The following IQCM variants were observed in gnomAD, a reference collection of about 807,000 sequenced individuals.
IQCM encodes the protein IQ motif containing M.
IQCM carries 45 observed loss-of-function variants against 57.6 expected under a neutral mutation model. The ratio of observed to expected loss-of-function variants is 0.78; its 90% CI spans 0.62 to 1.00. The LOEUF (loss-of-function observed/expected upper bound fraction) is 1.00. Among genes scored for constraint, IQCM ranks in the 50% least tolerant of loss-of-function variants. The pLI is 0.00. For missense variants in IQCM, 468 were observed against 511.6 expected (o/e 0.91, Z 0.82); for synonymous variants, 148 against 158.9 (o/e 0.93, Z 0.51).
intron 13 of IQCM, among the ~76,000 whole-genome samples, chr4:149,365,095 C>A (rs988747702): frequency 6.6e-6 from 1 of 152,118 alleles, no homozygotes; most frequent in African/African-American, 2.4e-5. Flanking sequence ...TGAGCACATC[C>A]AGTTTCTAAA....
At chr4:149,379,469 G>C (rs1168898940) in intron 13 of IQCM, among the ~76,000 whole-genome samples, 1 of 152,188 alleles carries the variant, frequency 6.6e-6, no homozygotes, top group Non-Finnish European at 1.5e-5. Flanking sequence ...GCATGACCCA[G>C]ATGTGAGACA....
chr4:149,546,983 G>C (rs564018812), intron 12 of IQCM, among the ~76,000 whole-genome samples: 98 of 152,232 alleles, frequency 6.4e-4, no homozygotes, highest in African/African-American at 2.2e-3. Flanking sequence ...AATCCATCTT[G>C]AATTAATTTT....
intron 13 of IQCM, among the ~76,000 whole-genome samples, chr4:149,419,690 C>G (rs1733991180): frequency 6.6e-6 from 1 of 152,068 alleles, no homozygotes. Context: ...AAACTATCAT[C>G]AGGGTGAACA....
intron 12 of IQCM, among the ~76,000 whole-genome samples, chr4:149,475,440 T>C (rs1382322013): frequency 6.6e-6 from 1 of 152,182 alleles, no homozygotes; most frequent in Non-Finnish European, 1.5e-5. Flanking sequence ...CATGGAGATA[T>C]TGAATAGGCA....
intron 13 of IQCM, among the ~76,000 whole-genome samples, chr4:149,407,464 C>T (rs1336214023): frequency 6.6e-6 from 1 of 152,096 alleles, no homozygotes; most frequent in African/African-American, 2.4e-5. Context: ...TATTTCATCC[C>T]TCCCCCTGGT....
At chr4:149,390,478 G>A (rs558794561) in intron 13 of IQCM, among the ~76,000 whole-genome samples, 11 of 151,572 alleles carry the variant, frequency 7.3e-5, no homozygotes, top group Non-Finnish European at 1.5e-4. Context: ...TGGTAGCAGT[G>A]AGAATATCTA....
At chr4:149,658,853 T>C (rs1759882004) in intron 7 of IQCM, among the ~76,000 whole-genome samples, 1 of 152,124 alleles carries the variant, frequency 6.6e-6, no homozygotes, top group African/African-American at 2.4e-5. Context: ...TGAATTCATT[T>C]ATTAGTTCTA....
intron 5 of IQCM, among the ~76,000 whole-genome samples, chr4:149,721,238 A>T (rs926890784): frequency 6.6e-6 from 1 of 152,168 alleles, no homozygotes; most frequent in African/African-American, 2.4e-5. Context: ...AGAATACAAG[A>T]GTATGTGCTT....
chr4:149,627,327 C>T (rs1048086694), intron 7 of IQCM, among the ~76,000 whole-genome samples: 1 of 152,100 alleles, frequency 6.6e-6, no homozygotes, highest in African/African-American at 2.4e-5. Flanking sequence ...ACCTGATCAT[C>T]AACTATAGAA....
At chr4:149,592,948 T>C (rs1259436781) in intron 8 of IQCM, among the ~76,000 whole-genome samples, 2 of 152,204 alleles carry the variant, frequency 1.3e-5, no homozygotes, top group Non-Finnish European at 2.9e-5. Context: ...GGGCTCTTTT[T>C]TGGTTGCATA....
intron 12 of IQCM, among the ~76,000 whole-genome samples, chr4:149,528,884 AT>A (rs1318321463): frequency 6.6e-6 from 1 of 151,822 alleles, no homozygotes; most frequent in Admixed American, 6.6e-5. Flanking sequence ...AAAAGGAAGA[AT>A]TTTTTTTGCA....
intron 13 of IQCM, among the ~76,000 whole-genome samples, chr4:149,381,720 AGTATGTAT>A (rs60955059): frequency 0.017 from 2,465 of 146,540 alleles, 44 homozygotes; most frequent in African/African-American, 0.05. Flanking sequence ...TTTCCCCCAT[AGTATGTAT>A]GTATGTATGT....
At chr4:149,811,876 G>C (rs1012525407) in intron 2 of IQCM, among the ~76,000 whole-genome samples, 2 of 152,116 alleles carry the variant, frequency 1.3e-5, no homozygotes, top group African/African-American at 4.8e-5. Flanking sequence ...TTTTAAAAGA[G>C]GACACTGTAA....
At chr4:149,457,179 T>C (rs1334208160) in intron 12 of IQCM, among the ~76,000 whole-genome samples, 16 of 152,106 alleles carry the variant, frequency 1.1e-4, no homozygotes, top group African/African-American at 3.9e-4. Flanking sequence ...CACTTGCTTA[T>C]AACTAGAGTT....
chr4:149,484,261 C>T (rs1024300513), intron 12 of IQCM, among the ~76,000 whole-genome samples: 1 of 151,800 alleles, frequency 6.6e-6, no homozygotes. Context: ...CATTCAGCCG[C>T]TTTATGTCTT....
chr4:149,502,496 T>C (rs2149794001), intron 12 of IQCM, among the ~76,000 whole-genome samples: 1 of 152,134 alleles, frequency 6.6e-6, no homozygotes, highest in East Asian at 1.9e-4. Context: ...AGGGAGACCC[T>C]GTCTCTGCAA....
At chr4:149,417,014 C>T (rs957169421) in intron 13 of IQCM, among the ~76,000 whole-genome samples, 4 of 152,038 alleles carry the variant, frequency 2.6e-5, no homozygotes, top group Admixed American at 6.6e-5. Flanking sequence ...TGCTTTTAGG[C>T]TTTTGAGGGA....
chr4:149,551,812 C>T (rs969102086), intron 11 of IQCM, among the ~76,000 whole-genome samples: 1 of 152,194 alleles, frequency 6.6e-6, no homozygotes, highest in African/African-American at 2.4e-5. Flanking sequence ...CTCTCTCTCT[C>T]GGTTCTATAA....
At chr4:149,482,506 G>A (rs1040546087) in intron 12 of IQCM, among the ~76,000 whole-genome samples, 4 of 151,790 alleles carry the variant, frequency 2.6e-5, no homozygotes, top group African/African-American at 9.7e-5. Flanking sequence ...TGAATTTTAT[G>A]AAATTCTTTT....
Sources: allele counts gnomAD v4.1 joint callset (sites outside exome capture counted in the v4.1 genomes callset), GRCh38; gene constraint gnomAD v4.1.1; transcripts MANE v1.5; gene names NCBI Gene and HGNC (gene_info 2026-07-23, HGNC 2026-07-21).